Variants in DOCK8 observed in about 807,000 individuals in gnomAD.
DOCK8 encodes dedicator of cytokinesis protein 8.
In DOCK8, 141 loss-of-function variants were observed where a neutral mutation model predicts 245.6. That is an observed-to-expected ratio of 0.57 (90% confidence interval 0.50 to 0.66). DOCK8 has a LOEUF of 0.66. Among genes scored for constraint, DOCK8 ranks in the 30% least tolerant of loss-of-function variants. DOCK8 has a pLI of 0.00. For missense variants in DOCK8, 2,965 were observed against 2,603.4 expected, an observed-to-expected ratio of 1.14 and a Z score of -3.02; for synonymous variants, 1,168 against 970.2, an observed-to-expected ratio of 1.20 and a Z score of -3.79.
intron 26 of DOCK8, among the ~76,000 whole-genome samples, chr9:401,603 A>G (rs1398450613): frequency 6.6e-6 from 1 of 152,142 alleles, no homozygotes; most frequent in Non-Finnish European, 1.5e-5. Context: ...AAATCTGCTT[A>G]TATGAGCTAT....
chr9:241,444 G>GT (rs1371459521), intron 1 of DOCK8, among the ~76,000 whole-genome samples: 1 of 152,208 alleles, frequency 6.6e-6, no homozygotes, highest in African/African-American at 2.4e-5. Context: ...TGAGATCGAA[G>GT]TTTTTTAGCT....
intron 34 of DOCK8, among the ~76,000 whole-genome samples, chr9:427,361 G>A (rs1272026978): frequency 6.6e-6 from 1 of 152,178 alleles, no homozygotes; most frequent in African/African-American, 2.4e-5. Context: ...GATGGTCACT[G>A]TCTGATATGG....
intron 4 of DOCK8, among the ~76,000 whole-genome samples, chr9:303,404 G>A (rs1353961743): frequency 1.3e-5 from 2 of 152,130 alleles, no homozygotes; most frequent in African/African-American, 4.8e-5. Flanking sequence ...ATCGACAGTG[G>A]ACTAGATAAA....
chr9:414,643 A>G, intron 28 of DOCK8, 139 bp from the exon 29 acceptor site: 4 of 965,830 alleles, frequency 4.1e-6, no homozygotes, highest in Non-Finnish European at 3.3e-6. Flanking sequence ...TCTGGATTCT[A>G]TGTAGTTCTA....
chr9:413,415 A>T (rs2131593602), intron 28 of DOCK8, among the ~76,000 whole-genome samples: 1 of 138,792 alleles, frequency 7.2e-6, no homozygotes, highest in East Asian at 2.4e-4. Flanking sequence ...ACTGGACTTC[A>T]GTAAAATTAA....
chr9:296,397 C>A (rs1563888896), intron 4 of DOCK8, among the ~76,000 whole-genome samples: 1 of 152,156 alleles, frequency 6.6e-6, no homozygotes, highest in Non-Finnish European at 1.5e-5. Context: ...TGTTTACATA[C>A]TATATTTATT....
At chr9:312,264 G>C (rs12339042) in intron 6 of DOCK8, 98 bp downstream of exon 6, 1 of 1,385,662 alleles carries the variant, frequency 7.2e-7, no homozygotes, top group Non-Finnish European at 1.0e-6. Flanking sequence ...GCAGCCCATG[G>C]TGTCAGGGCT....
At chr9:300,377 CA>C (rs1451114184) in intron 4 of DOCK8, among the ~76,000 whole-genome samples, 8 of 152,054 alleles carry the variant, frequency 5.3e-5, no homozygotes, top group African/African-American at 1.7e-4. Flanking sequence ...GTCCCTTTAC[CA>C]GCTTGGTGGT....
intron 28 of DOCK8, among the ~76,000 whole-genome samples, chr9:408,928 C>T (rs1016791739): frequency 6.6e-6 from 1 of 151,994 alleles, no homozygotes; most frequent in Non-Finnish European, 1.5e-5. Flanking sequence ...AGTACCCTTT[C>T]TCCCCCAAAA....
chr9:298,777 A>G (rs113630032), intron 4 of DOCK8, among the ~76,000 whole-genome samples: 4,353 of 152,150 alleles, frequency 0.029, 98 homozygotes, highest in South Asian at 0.057. Flanking sequence ...TCACACACAA[A>G]AGGTCTTTAG....
At chr9:328,684 C>T (rs553592230) in intron 9 of DOCK8, among the ~76,000 whole-genome samples, 1 of 151,060 alleles carries the variant, frequency 6.6e-6, no homozygotes, top group African/African-American at 2.4e-5. Context: ...CAGCCTCTTA[C>T]AAGCTGAAGC....
chr9:271,168 T>A (rs894387602), intron 1 of DOCK8, among the ~76,000 whole-genome samples: 1 of 152,318 alleles, frequency 6.6e-6, no homozygotes, highest in Non-Finnish European at 1.5e-5. Flanking sequence ...CATACAACAG[T>A]TCTCTGGTGT....
intron 42 of DOCK8, 29 bp downstream of exon 42, chr9:442,038 C>T (rs749241194): frequency 1.9e-6 from 3 of 1,612,904 alleles, no homozygotes; most frequent in African/African-American, 1.3e-5. Flanking sequence ...TGCGCCTGAC[C>T]TGGTACACTT....
intron 35 of DOCK8, 30 bp downstream of exon 35, chr9:428,526 TTAA>T (rs767927791): frequency 1.2e-4 from 198 of 1,613,516 alleles, no homozygotes; most frequent in Non-Finnish European, 1.4e-4. Flanking sequence ...TTTCTTCCTC[TTAA>T]TTAAGAGTAA....
At chr9:391,936 C>T (rs182037934) in intron 24 of DOCK8, among the ~76,000 whole-genome samples, 150 of 148,476 alleles carry the variant, frequency 1.0e-3, no homozygotes, top group African/African-American at 3.5e-3. Flanking sequence ...GTCAAGAGTT[C>T]GAGACCAGCC....
Position 345,169 on chromosome 9 carries a change from T to C in DOCK8, c.1679+4848T>C, listed in dbSNP as rs559917249. ...GTAACTTTCACTGTTGATGTTGCTA[T>C]TTCCATGCCAATCAATAATCCTGAT... On this transcript the variant is annotated intron_variant, in intron 14 of 47. Transcript: ENST00000432829. 7.2e-5 allele frequency among the ~76,000 whole-genome samples: 11 copies of C among 152,354 alleles called. No homozygotes were observed. In the South Asian group the frequency reaches 2.3e-3, roughly 32 times the overall value.
chr9:284,871 T>A (rs2048745451), intron 2 of DOCK8, among the ~76,000 whole-genome samples: 1 of 152,162 alleles, frequency 6.6e-6, no homozygotes, highest in South Asian at 2.1e-4. Flanking sequence ...TGTTCTCACT[T>A]ATAAGTGGGA....
chr9:318,986 ATG>A (rs2050466966), intron 7 of DOCK8, among the ~76,000 whole-genome samples: 1 of 152,012 alleles, frequency 6.6e-6, no homozygotes, highest in African/African-American at 2.4e-5. Flanking sequence ...TAAGAGAGAT[ATG>A]TGTTATTTTA....
chr9:418,763 G>A (rs188684341), intron 30 of DOCK8, among the ~76,000 whole-genome samples: 5 of 152,244 alleles, frequency 3.3e-5, no homozygotes, highest in South Asian at 2.1e-4. Context: ...TCAAGAAACC[G>A]GAAAAGAGGA....
Sources: gnomAD v4.1 joint callset for allele counts (sites outside exome capture counted in the v4.1 genomes callset) on GRCh38, gnomAD v4.1.1 for gene constraint, MANE v1.5 for transcripts, NCBI Gene and HGNC (gene_info 2026-07-23, HGNC 2026-07-21) for gene names.